The following FAT1 variants were observed in gnomAD, a reference collection of about 807,000 sequenced individuals.
FAT1 encodes FAT atypical cadherin 1.
In FAT1, 171 loss-of-function variants were observed where a neutral mutation model predicts 329.8. That is an observed-to-expected ratio of 0.52 (90% CI 0.46 to 0.59). The LOEUF is 0.59. Ranked by LOEUF, FAT1 falls within the 20% of genes least tolerant of loss-of-function variation. The pLI is 0.00. For missense variants in FAT1, 5,672 were observed against 5,774.4 expected (o/e 0.98, Z 0.57); for synonymous variants, 2,233 against 2,228.6 (o/e 1.00, Z -0.06).
intron 2 of FAT1, among the ~76,000 whole-genome samples, chr4:186,674,727 A>G (rs1327816609): frequency 6.6e-6 from 1 of 152,190 alleles, no homozygotes; most frequent in East Asian, 1.9e-4. Context: ...TGTGTTTATC[A>G]TATCTTCTTT....
intron 2 of FAT1, among the ~76,000 whole-genome samples, chr4:186,687,697 T>C (rs1418443349): frequency 6.6e-6 from 1 of 152,220 alleles, no homozygotes; most frequent in African/African-American, 2.4e-5. Context: ...AAAACACTTC[T>C]AGTCCCAAGT....
At chr4:186,639,836 A>C in intron 3 of FAT1, 53 bp from the exon 4 acceptor site, 2 of 1,421,870 alleles carry the variant, frequency 1.4e-6, no homozygotes, top group Non-Finnish European at 2.0e-6. Flanking sequence ...CAATTACAAA[A>C]TACTGCAATT....
intron 3 of FAT1, among the ~76,000 whole-genome samples, chr4:186,650,964 A>G (rs918568099): frequency 1.3e-5 from 2 of 152,020 alleles, no homozygotes; most frequent in African/African-American, 2.4e-5. Flanking sequence ...AACCAACTGC[A>G]CGGAAAAGAG....
rs201850668 is a variant in FAT1, at chr4:186,707,402, T to C, written c.2426A>G (p.His809Arg). Residue 809 changes from histidine to arginine, a missense_variant, in exon 2 of 27, where the codon CAT becomes CGT. By Grantham distance (29) the His-to-Arg change is conservative. Coordinates refer to ENST00000441802, the MANE Select transcript of FAT1 (RefSeq NM_005245.4). ...IPQKAAWRLL[H>R]VVVVDANDNP... ...ATCATTGGCATCGACAACCACGACA[T>C]GTAGAAGACGCCACGCAGCCTTCTG... 3.3e-4 allele frequency: 528 copies of C among 1,614,020 alleles called. 3 individuals are homozygous for C. Among genetic ancestry groups the C allele is most frequent in the Middle Eastern group, 1.6e-3 (10 of 6,062 alleles).
At chr4:186,704,032 G>A (rs1469030026) in intron 2 of FAT1, among the ~76,000 whole-genome samples, 2 of 152,178 alleles carry the variant, frequency 1.3e-5, no homozygotes, top group Non-Finnish European at 2.9e-5. Context: ...TGAATACGAG[G>A]TCCAATGTGT....
chr4:186,682,857 G>A (rs1203661815), intron 2 of FAT1, among the ~76,000 whole-genome samples: 1 of 152,186 alleles, frequency 6.6e-6, no homozygotes, highest in Non-Finnish European at 1.5e-5. Context: ...CCTGGACTGG[G>A]ATAAAACCTA....
rs2126411973 is a variant in FAT1, at chr4:186,600,102, G to A, written c.11899C>T (p.Pro3967Ser). 6.2e-7 allele frequency: 1 copy of A among 1,614,028 alleles called. No individual in the cohort carries two copies. The highest frequency in any genetic ancestry group is 8.5e-7 in the Non-Finnish European group (1 of 1,179,900). ...RQQGTRHGRS[P>S]QVGNGFRGCM... Reference sequence around the variant, plus strand: ...CCCCTGAAACCATTACCAACTTGAGGACTTCTTCCATGCCTTGTTCCCTGC... The same window carrying A: ...CCCCTGAAACCATTACCAACTTGAGAACTTCTTCCATGCCTTGTTCCCTGC... The change falls in exon 22 of 27, where the codon CCT becomes TCT. Residue 3967 changes from proline to serine, a missense_variant. By Grantham distance (74) the Pro-to-Ser change is moderately conservative. Coordinates refer to ENST00000441802, the MANE Select transcript of FAT1 (RefSeq NM_005245.4).
In FAT1 at chr4:186,636,883, T is replaced by G. The variant is rs774975328; in HGVS notation, c.3674A>C (p.Lys1225Thr). The G allele has an allele frequency of 4.3e-6, 7 of 1,612,914 alleles. No individual in the cohort carries two copies. Among genetic ancestry groups the G allele is most frequent in the Non-Finnish European group, 5.1e-6 (6 of 1,179,494 alleles). ...CACAATGACTCTTGCAATGGTTGAT[T>G]TGGGGGGACTACCATTGTCTGTCAC... The part of the protein sequence containing the change: ...VTVTDNGSPP[K>T]STIARVIVKI... The change falls in exon 5 of 27, where the codon AAA (lysine) becomes ACA (threonine). Residue 1225 changes from lysine to threonine, a missense_variant. Lys to Thr is a moderately conservative substitution (Grantham distance 78). Transcript: ENST00000441802.
chr4:186,704,492 T>C (rs1190203875), intron 2 of FAT1, among the ~76,000 whole-genome samples: 4 of 152,230 alleles, frequency 2.6e-5, no homozygotes, highest in Non-Finnish European at 5.9e-5. Flanking sequence ...GCAGTGTTCA[T>C]ACAAAGTCAT....
rs979570615 is a variant in FAT1, at chr4:186,723,773, T to A, written c.-128A>T. On this transcript the variant is annotated 5_prime_UTR_variant, in exon 1 of 27. Coordinates refer to ENST00000441802, the MANE Select transcript of FAT1 (RefSeq NM_005245.4). ...CCGGGGCCCTCGCCGGGCTCGCGCGTCCGCATGGTACCTGCCGCACGAGCC... is the reference window on the plus strand; with the variant it reads ...CCGGGGCCCTCGCCGGGCTCGCGCGACCGCATGGTACCTGCCGCACGAGCC... 6.7e-6 allele frequency: 1 copy of A among 149,332 alleles called. No individual in the cohort carries two copies. Among genetic ancestry groups the A allele is most frequent in the Non-Finnish European group, 1.5e-5 (1 of 67,262 alleles). 9.3% of individuals were successfully genotyped at this position (149,332 alleles called of 1,614,324 possible). A position where few individuals can be genotyped will look rare whatever the true frequency, so the allele number is the denominator to read the frequency against.
At chr4:186,643,926 C>T (rs994742913) in intron 3 of FAT1, among the ~76,000 whole-genome samples, 40 of 151,814 alleles carry the variant, frequency 2.6e-4, no homozygotes, top group African/African-American at 8.7e-4. Context: ...CTTTCATTTT[C>T]GACATCTGTG....
rs200350035 is a variant in FAT1 at position 186,708,336 on chromosome 4, C to T, written c.1492G>A (p.Val498Met). The T allele has an allele frequency of 5.8e-5, 94 of 1,613,940 alleles. No homozygotes were observed. The highest frequency in any genetic ancestry group is 4.7e-4 in the African/African-American group (35 of 75,028). ...VDPDEGENGY[V>M]TYSIANLNHV... is the part of the protein sequence containing the mutation. ...TTTAAATTTGCGATACTGTATGTCA[C>T]GTACCCGTTCTCACCCTCATCAGGG... Residue 498 changes from valine to methionine, a missense_variant, in exon 2 of 27, where the codon GTG becomes ATG. Val to Met is a conservative substitution (Grantham distance 21). This residue lies in a region of FAT1 where 3,966 missense variants were observed against 3,915.2 expected (regional missense o/e 1.01). Coordinates refer to ENST00000441802, the MANE Select transcript of FAT1 (RefSeq NM_005245.4).
intron 3 of FAT1, among the ~76,000 whole-genome samples, chr4:186,653,403 A>T (rs1741759170): frequency 6.6e-6 from 1 of 152,252 alleles, no homozygotes; most frequent in Admixed American, 6.5e-5. Context: ...TTTTGTTATT[A>T]ACAACCAAGA....
rs60068521 is a variant in FAT1, at chr4:186,636,709, G to A, written c.3848C>T (p.Pro1283Leu). ...GATGCTGTAGGAGATTTCTGCATTGGGGCCCTCATCCTTGTCGGTGGCTAT... is the reference window on the plus strand; with the variant it reads ...GATGCTGTAGGAGATTTCTGCATTGAGGCCCTCATCCTTGTCGGTGGCTAT... ...HVIATDKDEG[P>L]NAEISYSIED... Residue 1283 changes from proline (P) to leucine (L), a missense_variant, in exon 5 of 27, where the codon CCC becomes CTC. Pro to Leu is a moderately conservative substitution (Grantham distance 98). This residue lies in a region of FAT1 where 3,966 missense variants were observed against 3,915.2 expected (regional missense o/e 1.01). Coordinates refer to ENST00000441802, the MANE Select transcript of FAT1 (RefSeq NM_005245.4). The A allele has an allele frequency of 7.9e-5, 128 of 1,613,722 alleles. 1 individual carries two copies. In the African/African-American group the frequency reaches 1.5e-3, roughly 19 times the overall value.
In FAT1 at chr4:186,620,144, T is replaced by C; in HGVS notation, c.6442A>G (p.Lys2148Glu). The stretch of plus-strand genomic sequence containing the variant: ...GCAACCACTGTAACAAGATATTCTT[T>C]ATTTAAGGTGTCAAGCTCAAATTGC... ...KKQFELDTLNKEYLVTVVAKD... is the reference protein window; with the variant it reads ...KKQFELDTLNEEYLVTVVAKD... The change falls in exon 10 of 27, where the codon AAA becomes GAA. Residue 2148 changes from lysine (K) to glutamate (E), a missense_variant. By Grantham distance (56) the Lys-to-Glu change is moderately conservative. This residue lies in a region of FAT1 where 3,966 missense variants were observed against 3,915.2 expected (regional missense o/e 1.01). Coordinates refer to ENST00000441802, the MANE Select transcript of FAT1 (RefSeq NM_005245.4). The C allele has an allele frequency of 6.2e-7, 1 of 1,614,058 alleles. No homozygotes were observed. The highest frequency in any genetic ancestry group is 8.5e-7 in the Non-Finnish European group (1 of 1,179,902).
chr4:186,638,260 T>C (rs150515813), intron 4 of FAT1, among the ~76,000 whole-genome samples: 2 of 152,330 alleles, frequency 1.3e-5, no homozygotes, highest in African/African-American at 4.8e-5. Context: ...GTGCTATATA[T>C]CTGGTATCTG....
At chr4:186,614,453 G>GCAAAATCTGA in intron 11 of FAT1, 109 bp from the exon 12 acceptor site, 2 of 696,510 alleles carry the variant, frequency 2.9e-6, no homozygotes, top group Non-Finnish European at 4.3e-6. Context: ...GAAAACATGG[G>GCAAAATCTGA]AAATGACTAA....
intron 26 of FAT1, among the ~76,000 whole-genome samples, chr4:186,593,098 C>T (rs892276969): frequency 2.0e-5 from 3 of 152,144 alleles, no homozygotes; most frequent in Admixed American, 6.5e-5. Flanking sequence ...AGGCAAGACT[C>T]GACATTCCAA....
chr4:186,606,331 G>T, intron 16 of FAT1, 118 bp from the exon 17 acceptor site: 1 of 1,050,660 alleles, frequency 9.5e-7, no homozygotes, highest in Non-Finnish European at 1.4e-6. Flanking sequence ...ACTATCTGTT[G>T]CATCCTGCCT....
Sources: gnomAD v4.1 joint callset for allele counts (sites outside exome capture counted in the v4.1 genomes callset) on GRCh38, gnomAD v4.1.1 for gene constraint, gnomAD v4.1.1 regional missense constraint, MANE v1.5 for transcripts, NCBI Gene and HGNC (gene_info 2026-07-23, HGNC 2026-07-21) for gene names.